EPHA5: variants seen among roughly 807,000 people sequenced by gnomAD.
The protein encoded by EPHA5 is EPH receptor A5, also known as ephrin type-A receptor 5.
Under a neutral mutation model 105.0 loss-of-function variants are expected in EPHA5, and 60 were observed. The observed-to-expected ratio is 0.57, with a 90% CI of 0.46 to 0.71. EPHA5 has a LOEUF of 0.71. EPHA5 is among the 30% of genes least tolerant of loss of function. The probability of loss-of-function intolerance (pLI) is 0.00; values close to 1 mark genes in which losing one functional copy is unlikely to be tolerated. For missense variants in EPHA5, 1,218 were observed against 1,274.7 expected, an observed-to-expected ratio of 0.96 and a Z score of 0.68; for synonymous variants, 513 against 449.1, an observed-to-expected ratio of 1.14 and a Z score of -1.80.
rs546779257 is a variant in EPHA5, at chr4:65,355,154, C to T, written c.2174-2051G>A. On this transcript the variant is annotated intron_variant, in intron 11 of 16. Coordinates refer to ENST00000613740, the MANE Select transcript of EPHA5 (RefSeq NM_001281766.3). Reference sequence around the variant, plus strand: ...TTCCAGGAAGAGAGGTGGCACATGTCTATGCATATTGTCAAGAAAGAGCCC... The same window carrying T: ...TTCCAGGAAGAGAGGTGGCACATGTTTATGCATATTGTCAAGAAAGAGCCC... Among the ~76,000 whole-genome samples, 18 of 151,616 alleles carry T rather than the reference C, an allele frequency of 1.2e-4. 1 individual carries two copies. The highest frequency in any genetic ancestry group is 4.3e-4 in the African/African-American group (18 of 41,450).
At chr4:65,458,425 T>TA (rs1463323499) in intron 5 of EPHA5, among the ~76,000 whole-genome samples, 4 of 152,164 alleles carry the variant, frequency 2.6e-5, no homozygotes, top group African/African-American at 9.7e-5. Flanking sequence ...CTTTACTCAA[T>TA]ATGTTTCCAT....
chr4:65,337,240 T>C (rs1439186772), intron 14 of EPHA5, among the ~76,000 whole-genome samples: 3 of 152,112 alleles, frequency 2.0e-5, no homozygotes, highest in African/African-American at 7.2e-5. Context: ...AAGTCCTCTC[T>C]ACTAGCTTGT....
At chr4:65,431,152 C>T (rs75170982) in intron 5 of EPHA5, among the ~76,000 whole-genome samples, 2,629 of 152,174 alleles carry the variant, frequency 0.017, 68 homozygotes, top group African/African-American at 0.06. Context: ...ATTAACGGTA[C>T]ACACAAAATG....
At chr4:65,633,382 T>C (rs898961446) in intron 2 of EPHA5, among the ~76,000 whole-genome samples, 1 of 151,736 alleles carries the variant, frequency 6.6e-6, no homozygotes, top group Non-Finnish European at 1.5e-5. Context: ...AAAAAGATCA[T>C]GATAAACACC....
chr4:65,669,962 T>G lies in EPHA5; in HGVS notation c.-220A>C. 2 of 598,528 alleles carry G rather than the reference T, an allele frequency of 3.3e-6. No individual in the cohort carries two copies. Among genetic ancestry groups the G allele is most frequent in the Non-Finnish European group, 4.9e-6 (2 of 410,196 alleles). The allele number at this position is 598,528 out of a possible 1,614,324, so 37.1% of individuals were successfully genotyped here. On this transcript the variant is annotated 5_prime_UTR_variant, in exon 1 of 17. Transcript: ENST00000613740. ...CGCCTCCCCCTTTGGTGGGGTTAAA[T>G]GAAATATTAGTTCTGGTTGCTAGTG...
intron 8 of EPHA5, among the ~76,000 whole-genome samples, chr4:65,404,084 A>T (rs1722116609): frequency 6.6e-6 from 1 of 152,204 alleles, no homozygotes; most frequent in African/African-American, 2.4e-5. Flanking sequence ...AAATTTTCAG[A>T]TTAAAAAATA....
At chr4:65,399,170 C>T (rs1246266780) in intron 8 of EPHA5, among the ~76,000 whole-genome samples, 1 of 152,176 alleles carries the variant, frequency 6.6e-6, no homozygotes, top group African/African-American at 2.4e-5. Flanking sequence ...CCACATTCCC[C>T]TCATCCAGAC....
intron 5 of EPHA5, among the ~76,000 whole-genome samples, chr4:65,433,388 C>T (rs1042957283): frequency 6.6e-6 from 1 of 152,176 alleles, no homozygotes; most frequent in Non-Finnish European, 1.5e-5. Flanking sequence ...ACCACACCAA[C>T]ATATTGGATA....
chr4:65,348,690 AT>A (rs1176477168), intron 13 of EPHA5, among the ~76,000 whole-genome samples: 2 of 53,526 alleles, frequency 3.7e-5, no homozygotes, highest in African/African-American at 8.5e-5. Context: ...ATATATATAT[AT>A]ATATATAAAA....
At chr4:65,513,777 T>TA (rs1424609495) in intron 3 of EPHA5, among the ~76,000 whole-genome samples, 8 of 152,288 alleles carry the variant, frequency 5.3e-5, no homozygotes, top group African/African-American at 1.4e-4. Context: ...TTATCTTATT[T>TA]AAAAAAACGT....
rs147258170 is a variant in EPHA5 at position 65,468,789 on chromosome 4, C to T, written c.1402+21588G>A. 4.8e-3 allele frequency among the ~76,000 whole-genome samples: 721 copies of T among 150,332 alleles called. 8 individuals are homozygous for T. Among genetic ancestry groups the T allele is most frequent in the African/African-American group, 0.017 (692 of 40,890 alleles). ...TACTAATAGACAAGCTTTCACAAAACGCTTATGAACTAACACAAAATTACA... is the reference window on the plus strand; with the variant it reads ...TACTAATAGACAAGCTTTCACAAAATGCTTATGAACTAACACAAAATTACA... On this transcript the variant is annotated intron_variant, in intron 5 of 16. Transcript: ENST00000613740.
intron 4 of EPHA5, among the ~76,000 whole-genome samples, chr4:65,491,900 C>G (rs1731437326): frequency 6.6e-6 from 1 of 152,064 alleles, no homozygotes; most frequent in South Asian, 2.1e-4. Flanking sequence ...GTTAAAACTT[C>G]AGTCAGCTGT....
At chr4:65,374,116 A>G (rs1331614409) in intron 8 of EPHA5, among the ~76,000 whole-genome samples, 1 of 151,922 alleles carries the variant, frequency 6.6e-6, no homozygotes, top group Non-Finnish European at 1.5e-5. Context: ...CTTTTTGAGA[A>G]GTAAAACTAT....
At chr4:65,580,480 T>C (rs887003514) in intron 3 of EPHA5, among the ~76,000 whole-genome samples, 5 of 151,886 alleles carry the variant, frequency 3.3e-5, no homozygotes, top group African/African-American at 4.8e-5. Flanking sequence ...CTGAAGACTA[T>C]GTCCAGAAAA....
Position 65,322,992 on chromosome 4 carries a change from T to C in EPHA5, c.*1122A>G. 1 of 229,376 alleles carries C rather than the reference T, an allele frequency of 4.4e-6. No individual in the cohort carries two copies. Among genetic ancestry groups the C allele is most frequent in the Non-Finnish European group, 8.7e-6 (1 of 115,526 alleles). The allele number at this position is 229,376 out of a possible 1,614,324, so 14.2% of individuals were successfully genotyped here. A position where few individuals can be genotyped will look rare whatever the true frequency, so the allele number is the denominator to read the frequency against. ...GGATTTAACAACATTAACAGAAGCC[T>C]GCACAGTTAAATCCTTCTACATCCT... On this transcript the variant is annotated 3_prime_UTR_variant, in exon 17 of 17. Transcript: ENST00000613740.
chr4:65,366,829 C>T (rs1396128067), intron 9 of EPHA5, among the ~76,000 whole-genome samples: 7 of 151,852 alleles, frequency 4.6e-5, no homozygotes, highest in African/African-American at 1.7e-4. Flanking sequence ...AAATTCAACT[C>T]ATTTAGGCTA....
At chr4:65,640,287 T>C (rs1053832828) in intron 2 of EPHA5, among the ~76,000 whole-genome samples, 17 of 137,256 alleles carry the variant, frequency 1.2e-4, no homozygotes, top group East Asian at 8.4e-4. Context: ...TTTTTCTTTT[T>C]TTTTTTTTTT....
intron 3 of EPHA5, among the ~76,000 whole-genome samples, chr4:65,525,055 A>G (rs901203135): frequency 6.6e-6 from 1 of 151,702 alleles, no homozygotes; most frequent in East Asian, 1.9e-4. Flanking sequence ...AATTTCATGT[A>G]TAGTCTTATG....
At chr4:65,477,603 G>A (rs1729950566) in intron 5 of EPHA5, among the ~76,000 whole-genome samples, 1 of 151,870 alleles carries the variant, frequency 6.6e-6, no homozygotes, top group Non-Finnish European at 1.5e-5. Flanking sequence ...AGTAGAGTCA[G>A]GGGTTTCACC....
Sources: allele counts gnomAD v4.1 joint callset (sites outside exome capture counted in the v4.1 genomes callset), GRCh38; gene constraint gnomAD v4.1.1; transcripts MANE v1.5; gene names NCBI Gene and HGNC (gene_info 2026-07-23, HGNC 2026-07-21).